The following TYW1B variants were observed in gnomAD, a reference collection of about 807,000 sequenced individuals.
TYW1B encodes the protein tRNA-yW synthesizing protein 1 homolog B.
In TYW1B, 73 loss-of-function variants were observed where a neutral mutation model predicts 86.9. That is an observed-to-expected ratio of 0.84 (90% CI 0.70 to 1.02). The LOEUF (loss-of-function observed/expected upper bound fraction) is 1.02, where lower values mean the gene tolerates loss of function less well. TYW1B is among the 50% of genes least tolerant of loss of function. TYW1B has a pLI of 0.00. For missense variants in TYW1B, 637 were observed against 827.4 expected (o/e 0.77, Z 2.82); for synonymous variants, 248 against 292.8 (o/e 0.85, Z 1.56).
intron 2 of TYW1B, among the ~76,000 whole-genome samples, chr7:72,819,026 C>T (rs1161960484): frequency 2.6e-5 from 4 of 151,956 alleles, no homozygotes; most frequent in African/African-American, 9.7e-5. Context: ...TATGGCAATG[C>T]AAAAGAGACT....
In TYW1B at chr7:72,667,187, T is replaced by C. The variant is rs368226239; in HGVS notation, c.1506+27500A>G. Among the ~76,000 whole-genome samples the C allele has an allele frequency of 7.1e-4, 108 of 152,218 alleles. 4 individuals carry two copies. In the South Asian group the frequency reaches 0.016, roughly 23 times the overall value. On this transcript the variant is annotated intron_variant, in intron 11 of 13. Coordinates refer to ENST00000620995, the MANE Select transcript of TYW1B (RefSeq NM_001145440.3). ...CTGCTCAGGATGGGAAAGTGGCCTC[T>C]CTCAGTGCCAGCACCAGCAAGAAGC...
At chr7:72,660,893 T>A (rs1369010891) in intron 11 of TYW1B, among the ~76,000 whole-genome samples, 1 of 151,790 alleles carries the variant, frequency 6.6e-6, no homozygotes, top group Non-Finnish European at 1.5e-5. Context: ...TCCCAACACT[T>A]TGGGAGGCTG....
At chr7:72,707,975 T>A (rs1383066154) in intron 10 of TYW1B, among the ~76,000 whole-genome samples, 2 of 152,242 alleles carry the variant, frequency 1.3e-5, no homozygotes, top group Non-Finnish European at 2.9e-5. Flanking sequence ...TGTGAAGATG[T>A]GCCTGCTTTC....
At chr7:72,583,850 C>CA in intron 13 of TYW1B, among the ~76,000 whole-genome samples, 1 of 152,012 alleles carries the variant, frequency 6.6e-6, no homozygotes, top group South Asian at 2.1e-4. Flanking sequence ...AGCAAAAGTC[C>CA]AAAAAAAGCT....
At chr7:72,753,478 C>T (rs1291754724) in intron 7 of TYW1B, among the ~76,000 whole-genome samples, 1 of 112,144 alleles carries the variant, frequency 8.9e-6, no homozygotes, top group East Asian at 2.2e-4. Context: ...TGATCATTAG[C>T]AATTTTTTTT....
intron 11 of TYW1B, among the ~76,000 whole-genome samples, chr7:72,652,981 T>C (rs1158512401): frequency 6.6e-6 from 1 of 152,164 alleles, no homozygotes; most frequent in Non-Finnish European, 1.5e-5. Context: ...AAGAAAATCA[T>C]GACAAACCCA....
At chr7:72,708,452 CTTCT>C (rs1159369305) in intron 10 of TYW1B, among the ~76,000 whole-genome samples, 2 of 152,170 alleles carry the variant, frequency 1.3e-5, no homozygotes, top group African/African-American at 2.4e-5. Context: ...TTGTTTCTCT[CTTCT>C]TTAATTCTTA....
intron 10 of TYW1B, among the ~76,000 whole-genome samples, chr7:72,698,813 T>A (rs1457852927): frequency 6.6e-6 from 1 of 152,154 alleles, no homozygotes; most frequent in Non-Finnish European, 1.5e-5. Flanking sequence ...ACAAACAGTA[T>A]TCCATAAATG....
Position 72,628,967 on chromosome 7 carries a change from C to A in TYW1B, c.1537G>T (p.Val513Leu). Residue 513 changes from valine to leucine, a missense_variant, in exon 12 of 14, where the codon GTG becomes TTG. Transcript: ENST00000620995. ...QQRTVYRLML[V>L]KAWNVDELQA... ...AGCTCGTCCACGTTCCATGCTTTCA[C>A]GAGCATCAGTCTGTAGACAGTTCGT... 6.3e-7 allele frequency: 1 copy of A among 1,581,454 alleles called. No individual in the cohort carries two copies. The highest frequency in any genetic ancestry group is 8.6e-7 in the Non-Finnish European group (1 of 1,164,244).
At chr7:72,773,193 A>T (rs1787896571) in intron 7 of TYW1B, among the ~76,000 whole-genome samples, 1 of 152,208 alleles carries the variant, frequency 6.6e-6, no homozygotes, top group South Asian at 2.1e-4. Context: ...AAAACTGTAC[A>T]TTACAGAATG....
At chr7:72,742,825 G>A (rs1787329059) in intron 8 of TYW1B, among the ~76,000 whole-genome samples, 1 of 152,044 alleles carries the variant, frequency 6.6e-6, no homozygotes, top group Non-Finnish European at 1.5e-5. Flanking sequence ...TATAACTCTT[G>A]TGCCAATATG....
At chr7:72,728,778 T>C in intron 9 of TYW1B, 44 bp downstream of exon 9, 2 of 1,567,812 alleles carry the variant, frequency 1.3e-6, no homozygotes, top group Non-Finnish European at 1.7e-6. Flanking sequence ...TGATTCAGAC[T>C]ATTAACAAGT....
chr7:72,790,471 C>T (rs1275057590), intron 6 of TYW1B, among the ~76,000 whole-genome samples: 3 of 152,124 alleles, frequency 2.0e-5, no homozygotes, highest in Non-Finnish European at 2.9e-5. Context: ...TGGCTGACGT[C>T]TGTCACCAGC....
intron 7 of TYW1B, among the ~76,000 whole-genome samples, chr7:72,755,735 T>G (rs149071067): frequency 2.5e-3 from 383 of 152,008 alleles, no homozygotes; most frequent in Middle Eastern, 6.8e-3. Flanking sequence ...GGAAAAGGAG[T>G]GAAAAACAGG....
chr7:72,784,706 C>T (rs1177517241), intron 6 of TYW1B, among the ~76,000 whole-genome samples: 2 of 152,190 alleles, frequency 1.3e-5, no homozygotes, highest in African/African-American at 4.8e-5. Context: ...CCATGTTTGC[C>T]AGGCTGATCT....
chr7:72,691,422 G>T (rs531132678), intron 11 of TYW1B, among the ~76,000 whole-genome samples: 18 of 152,116 alleles, frequency 1.2e-4, no homozygotes, highest in Non-Finnish European at 2.4e-4. Flanking sequence ...GATGCTCCTG[G>T]GTTGAAATTA....
chr7:72,580,439 C>T (rs1353134872), intron 13 of TYW1B, among the ~76,000 whole-genome samples: 3 of 152,100 alleles, frequency 2.0e-5, no homozygotes, highest in Non-Finnish European at 2.9e-5. Context: ...AAGGGAAGAA[C>T]GGAATCTATG....
chr7:72,706,807 T>G (rs1306770577), intron 10 of TYW1B, among the ~76,000 whole-genome samples: 1 of 152,156 alleles, frequency 6.6e-6, no homozygotes, highest in South Asian at 2.1e-4. Flanking sequence ...CTTTTCAAAG[T>G]CAAAAGTCCA....
intron 11 of TYW1B, among the ~76,000 whole-genome samples, chr7:72,629,637 C>A (rs1224852827): frequency 2.6e-5 from 4 of 152,138 alleles, no homozygotes; most frequent in Non-Finnish European, 5.9e-5. Flanking sequence ...GCCTCTATCT[C>A]CTGGACTCAA....
Sources: allele counts gnomAD v4.1 joint callset (sites outside exome capture counted in the v4.1 genomes callset), GRCh38; gene constraint gnomAD v4.1.1; transcripts MANE v1.5; gene names NCBI Gene and HGNC (gene_info 2026-07-23, HGNC 2026-07-21).